Variants in EML4 observed in about 807,000 individuals in gnomAD.
The protein encoded by EML4 is EMAP like 4.
A neutral mutation model predicts 129.0 loss-of-function variants in EML4; 72 were observed. The observed-to-expected ratio is 0.56, with a 90% confidence interval of 0.46 to 0.68. EML4 has a LOEUF of 0.68. EML4 is among the 30% of genes least tolerant of loss of function. EML4 has a pLI of 0.00. For synonymous variants in EML4, 532 were observed against 405.0 expected, an observed-to-expected ratio of 1.31 and a Z score of -3.77; for missense variants, 1,363 against 1,190.6, an observed-to-expected ratio of 1.14 and a Z score of -2.13.
chr2:42,312,042 G>C (rs978151194), intron 17 of EML4, among the ~76,000 whole-genome samples: 7 of 152,022 alleles, frequency 4.6e-5, no homozygotes, highest in African/African-American at 1.7e-4. Flanking sequence ...AAAATAATTG[G>C]TAAACATGAA....
chr2:42,236,604 C>G (rs1321879629), intron 1 of EML4, among the ~76,000 whole-genome samples: 2 of 152,180 alleles, frequency 1.3e-5, no homozygotes, highest in Non-Finnish European at 2.9e-5. Context: ...TCTGCAAAGC[C>G]TAAAATATTT....
At chr2:42,325,165 G>C (rs1669719566) in intron 19 of EML4, 2 of 528,100 alleles carry the variant, frequency 3.8e-6, no homozygotes, top group African/African-American at 1.9e-5. Context: ...TAAGGCCAGA[G>C]GGTGTGGTAT....
intron 1 of EML4, chr2:42,208,189 G>T (rs1219189399): frequency 6.6e-6 from 1 of 152,106 alleles, no homozygotes; most frequent in African/African-American, 2.4e-5. Flanking sequence ...CTGAATAAAG[G>T]ACAGTGGCCA....
chr2:42,285,940 T>G, intron 9 of EML4: 1 of 290,588 alleles, frequency 3.4e-6, no homozygotes, highest in Non-Finnish European at 6.6e-6. Context: ...GGCAAGTTAT[T>G]TAAATCTCTG....
At position 42,323,771 on chromosome 2, in the gene EML4, C is replaced by CAA. The variant is rs11415234; in HGVS notation, c.2155-1684_2155-1683dup. 9.8e-3 allele frequency among the ~76,000 whole-genome samples: 1,341 copies of CAA among 137,484 alleles called. 7 individuals carry two copies. The highest frequency in any genetic ancestry group is 0.012 in the African/African-American group (448 of 37,586). 90.2% of individuals were successfully genotyped at this position (137,484 alleles called of 152,430 possible). Reference sequence around the variant, plus strand: ...TAATGTGGTGAAACCCCGTCTCTACCAAAAAAAAAAAAACAAACAAAAATT... The same window carrying CAA: ...TAATGTGGTGAAACCCCGTCTCTACCAAAAAAAAAAAAAAACAAACAAAAATT... On this transcript the variant is annotated intron_variant, in intron 19 of 22. Coordinates refer to ENST00000318522, the MANE Select transcript of EML4 (RefSeq NM_019063.5).
At chr2:42,277,998 A>G (rs1466599261) in intron 6 of EML4, among the ~76,000 whole-genome samples, 1 of 152,210 alleles carries the variant, frequency 6.6e-6, no homozygotes, top group Non-Finnish European at 1.5e-5. Context: ...TAGGTCGTTT[A>G]AGTCATTATT....
At chr2:42,257,611 G>A (rs572732039) in intron 3 of EML4, among the ~76,000 whole-genome samples, 69 of 152,180 alleles carry the variant, frequency 4.5e-4, no homozygotes, top group African/African-American at 1.6e-3. Context: ...TGAGGCGGGC[G>A]GATCACGAGG....
At chr2:42,215,069 CTT>C (rs1558508657) in intron 1 of EML4, among the ~76,000 whole-genome samples, 2 of 151,916 alleles carry the variant, frequency 1.3e-5, no homozygotes, top group Admixed American at 6.6e-5. Context: ...AGATGTAAAA[CTT>C]TTTTTTGAGA....
intron 6 of EML4, among the ~76,000 whole-genome samples, chr2:42,272,878 A>G (rs1375423300): frequency 1.3e-5 from 2 of 152,184 alleles, no homozygotes; most frequent in African/African-American, 4.8e-5. Flanking sequence ...AGAAGTTGGG[A>G]TAGTTTCTAT....
At chr2:42,286,707 A>AT (rs1459908354) in intron 10 of EML4, among the ~76,000 whole-genome samples, 2 of 152,208 alleles carry the variant, frequency 1.3e-5, no homozygotes, top group African/African-American at 4.8e-5. Flanking sequence ...AATAGGATGC[A>AT]TTTTTGCCTT....
intron 1 of EML4, among the ~76,000 whole-genome samples, chr2:42,233,306 T>G (rs1275297433): frequency 6.6e-6 from 1 of 151,096 alleles, no homozygotes; most frequent in East Asian, 1.9e-4. Flanking sequence ...TACAGGTTTC[T>G]TTCTTTTTTT....
chr2:42,173,733 A>G lies in EML4; in HGVS notation c.25+4097A>G, dbSNP rs183786545. Among the ~76,000 whole-genome samples, 534 of 152,214 alleles carry G rather than the reference A, an allele frequency of 3.5e-3. 2 individuals are homozygous for G. The highest frequency in any genetic ancestry group is 6.5e-3 in the Admixed American group (99 of 15,292). ...GTGGCATGTGCCTGTAACCCCAGCT[A>G]CTTGGGAGGCTGAGGCAGGAGGATC... On this transcript the variant is annotated intron_variant, in intron 1 of 22. Transcript: ENST00000318522.
chr2:42,204,112 G>T (rs1347996459), intron 1 of EML4, among the ~76,000 whole-genome samples: 1 of 152,018 alleles, frequency 6.6e-6, no homozygotes, highest in Non-Finnish European at 1.5e-5. Flanking sequence ...ATAGAGATGG[G>T]TCTCACTTTG....
chr2:42,177,718 A>G (rs1017174868), intron 1 of EML4, among the ~76,000 whole-genome samples: 1 of 152,240 alleles, frequency 6.6e-6, no homozygotes, highest in African/African-American at 2.4e-5. Flanking sequence ...GGAATCTGAT[A>G]AAGAATTCTG....
At chr2:42,240,002 C>T (rs763734428) in intron 1 of EML4, among the ~76,000 whole-genome samples, 6 of 152,122 alleles carry the variant, frequency 3.9e-5, no homozygotes, top group Non-Finnish European at 7.4e-5. Flanking sequence ...AACTCTGACT[C>T]GTTTGCTGTG....
chr2:42,184,801 A>T (rs887547238), intron 1 of EML4, among the ~76,000 whole-genome samples: 11 of 152,252 alleles, frequency 7.2e-5, no homozygotes, highest in African/African-American at 2.6e-4. Flanking sequence ...TTCTTAAGTC[A>T]TATATAGCCC....
intron 1 of EML4, among the ~76,000 whole-genome samples, chr2:42,178,431 C>G (rs1670741265): frequency 6.6e-6 from 1 of 151,676 alleles, no homozygotes. Context: ...GCATGCCCAG[C>G]TCCTTGAGAG....
At chr2:42,247,248 C>A (rs901845498) in intron 2 of EML4, among the ~76,000 whole-genome samples, 1 of 152,026 alleles carries the variant, frequency 6.6e-6, no homozygotes, top group East Asian at 1.9e-4. Flanking sequence ...GCCCTGATAA[C>A]TGTGAATATA....
chr2:42,194,756 C>G (rs1671802816), intron 1 of EML4, among the ~76,000 whole-genome samples: 1 of 152,052 alleles, frequency 6.6e-6, no homozygotes, highest in South Asian at 2.1e-4. Context: ...GAGTGATCCA[C>G]TTGTCTCAGC....
Sources: allele counts gnomAD v4.1 joint callset (sites outside exome capture counted in the v4.1 genomes callset), GRCh38; gene constraint gnomAD v4.1.1; transcripts MANE v1.5; gene names NCBI Gene and HGNC (gene_info 2026-07-23, HGNC 2026-07-21).